AQP8: variants seen among roughly 807,000 people sequenced by gnomAD.
The protein encoded by AQP8 is aquaporin-8.
AQP8 carries 14 observed loss-of-function variants against 26.1 expected under a neutral mutation model. That is an observed-to-expected ratio of 0.54 (90% CI 0.35 to 0.84). The LOEUF is 0.84. Among genes scored for constraint, AQP8 ranks in the 40% least tolerant of loss-of-function variants. AQP8 has a pLI of 0.01. For synonymous variants in AQP8, 131 were observed against 150.7 expected (o/e 0.87, Z 0.96); for missense variants, 301 against 340.5 (o/e 0.88, Z 0.91).
chr16:25,223,793 C>T (rs1370385979), intron 3 of AQP8, among the ~76,000 whole-genome samples: 3 of 151,974 alleles, frequency 2.0e-5, no homozygotes, highest in Non-Finnish European at 2.9e-5. Flanking sequence ...TAACCTGGAG[C>T]CATGACTGGG....
rs201115999 is a variant in AQP8 at position 25,227,098 on chromosome 16, C to T, written c.633C>T (p.Pro211=). 7.5e-5 allele frequency: 121 copies of T among 1,614,132 alleles called. 1 individual carries two copies. Among genetic ancestry groups the T allele is most frequent in the African/African-American group, 5.5e-4 (41 of 75,018 alleles). Residue 211 remains proline, a synonymous_variant, in exon 5 of 6, where the codon CCC becomes CCT. Coordinates refer to ENST00000219660, the MANE Select transcript of AQP8 (RefSeq NM_001169.3). ...CTGTGTCTGGAGGCTGCATGAATCC[C>T]GCCCGTGCTTTTGGACCTGCGGTGG... The part of the protein sequence containing the change: ...GGPVSGGCMN[P]ARAFGPAVVA...
In AQP8 at chr16:25,217,420, G is replaced by T. The variant is rs552099899; in HGVS notation, c.235G>T (p.Val79Leu). 1 of 1,614,156 alleles carries T rather than the reference G, an allele frequency of 6.2e-7. No individual in the cohort carries two copies. The highest frequency in any genetic ancestry group is 2.2e-5 in the East Asian group (1 of 44,874). ...ALAHGLALGLVIATLGNISGG... is the reference protein window; with the variant it reads ...ALAHGLALGLLIATLGNISGG... Reference sequence around the variant, plus strand: ...GGCCCACGGGCTGGCTTTGGGGCTCGTGATTGCCACGCTGGGGAATATCAG... The same window carrying T: ...GGCCCACGGGCTGGCTTTGGGGCTCTTGATTGCCACGCTGGGGAATATCAG... Residue 79 changes from valine (V) to leucine (L), a missense_variant, in exon 2 of 6, where the codon GTG becomes TTG. Val to Leu is a conservative substitution (Grantham distance 32). Transcript: ENST00000219660.
chr16:25,222,745 C>T (rs1034681840), intron 3 of AQP8, among the ~76,000 whole-genome samples: 2 of 151,990 alleles, frequency 1.3e-5, no homozygotes, highest in Non-Finnish European at 2.9e-5. Flanking sequence ...TAAGTGCTGA[C>T]CCACCGCAGA....
chr16:25,226,652 G>A (rs1042236564), intron 4 of AQP8, among the ~76,000 whole-genome samples: 10 of 152,212 alleles, frequency 6.6e-5, no homozygotes, highest in African/African-American at 2.4e-4. Context: ...TATTCTTTGG[G>A]TCACGAACAA....
intron 2 of AQP8, among the ~76,000 whole-genome samples, chr16:25,221,045 C>A (rs996908585): frequency 6.6e-6 from 1 of 152,168 alleles, no homozygotes; most frequent in Admixed American, 6.5e-5. Flanking sequence ...AGCAAGACTC[C>A]GTCTCGTAAA....
chr16:25,227,090 A>C lies in AQP8; in HGVS notation c.625A>C (p.Met209Leu). The change falls in exon 5 of 6, where the codon ATG (methionine) becomes CTG (leucine). Residue 209 changes from methionine to leucine, a missense_variant. Physicochemically the swap from Met to Leu is conservative, Grantham distance 15 (BLOSUM62 2). Coordinates refer to ENST00000219660, the MANE Select transcript of AQP8 (RefSeq NM_001169.3). ...LAGGPVSGGC[M>L]NPARAFGPAV... is the part of the protein sequence containing the mutation. ...CAGGGGCCCTGTGTCTGGAGGCTGC[A>C]TGAATCCCGCCCGTGCTTTTGGACC... 6.2e-7 allele frequency: 1 copy of C among 1,614,136 alleles called. No individual in the cohort carries two copies. Among genetic ancestry groups the C allele is most frequent in the African/African-American group, 1.3e-5 (1 of 75,016 alleles).
intron 3 of AQP8, among the ~76,000 whole-genome samples, chr16:25,221,814 C>G (rs1962566338): frequency 6.6e-6 from 1 of 152,196 alleles, no homozygotes. Context: ...GTCACCCAGG[C>G]TGGAGTGCAG....
intron 2 of AQP8, among the ~76,000 whole-genome samples, chr16:25,219,474 CAATG>C (rs1323860665): frequency 6.6e-6 from 1 of 151,464 alleles, no homozygotes; most frequent in Non-Finnish European, 1.5e-5. Flanking sequence ...GCTGAGTGAA[CAATG>C]AATGAATGAA....
Position 25,228,714 on chromosome 16 carries a change from C to T in AQP8, c.*222C>T, listed in dbSNP as rs1962668925. The T allele has an allele frequency of 9.2e-6, 5 of 541,874 alleles. No individual in the cohort carries two copies. Among genetic ancestry groups the T allele is most frequent in the Middle Eastern group, 1.0e-3 (2 of 1,984 alleles). 33.6% of individuals were successfully genotyped at this position (541,874 alleles called of 1,614,324 possible). On this transcript the variant is annotated 3_prime_UTR_variant, in exon 6 of 6. Coordinates refer to ENST00000219660, the MANE Select transcript of AQP8 (RefSeq NM_001169.3). ...ATCAGAGACCCCAGCCTGGGGAACA[C>T]GCTGCCCGCACTGCCCAGAGAGCAG...
intron 4 of AQP8, 23 bp from the exon 5 acceptor site, chr16:25,227,023 GGTTTGGCTGGGATCCTGGTGAC>G (rs980438548): frequency 6.2e-7 from 1 of 1,612,326 alleles, no homozygotes. Context: ...GGTGAGGTGG[GGTTTGGCTGGGATCCTGGTGAC>G]CTTGGTGCCT....
chr16:25,221,340 G>C (rs554839955), intron 2 of AQP8, 117 bp from the exon 3 acceptor site: 18 of 1,293,288 alleles, frequency 1.4e-5, no homozygotes, highest in Non-Finnish European at 2.0e-5. Flanking sequence ...GCTGGGCCCC[G>C]GACTGACTCT....
chr16:25,226,776 A>C (rs762299703), intron 4 of AQP8, among the ~76,000 whole-genome samples: 5 of 152,190 alleles, frequency 3.3e-5, no homozygotes, highest in Non-Finnish European at 7.3e-5. Flanking sequence ...ACTTTGGAGC[A>C]AATGTAGCTC....
chr16:25,219,353 G>A (rs553848963), intron 2 of AQP8, among the ~76,000 whole-genome samples: 3 of 151,384 alleles, frequency 2.0e-5, no homozygotes, highest in South Asian at 2.1e-4. Context: ...CACCTATTGC[G>A]TGCCAGACAC....
chr16:25,221,318 C>T (rs1295837827), intron 2 of AQP8, 139 bp from the exon 3 acceptor site: 5 of 1,030,092 alleles, frequency 4.9e-6, no homozygotes. Context: ...TTTGGTGCCT[C>T]TTTGTATTTG....
chr16:25,219,133 G>A (rs1962524756), intron 2 of AQP8, among the ~76,000 whole-genome samples: 1 of 151,364 alleles, frequency 6.6e-6, no homozygotes, highest in African/African-American at 2.4e-5. Context: ...ACTATGGGCT[G>A]TACAAATATT....
intron 4 of AQP8, 147 bp downstream of exon 4, chr16:25,224,723 C>CA: frequency 1.3e-6 from 1 of 784,780 alleles, no homozygotes; most frequent in Admixed American, 2.5e-5. Context: ...ATCAGGCAGA[C>CA]AACAGGGAGT....
chr16:25,221,710 T>A, intron 3 of AQP8, 127 bp downstream of exon 3: 2 of 1,094,164 alleles, frequency 1.8e-6, no homozygotes, highest in Non-Finnish European at 2.6e-6. Context: ...TTTCTGCCAG[T>A]GGAATTGGTG....
chr16:25,224,625 C>A, intron 4 of AQP8, 49 bp downstream of exon 4: 1 of 1,566,298 alleles, frequency 6.4e-7, no homozygotes, highest in South Asian at 1.1e-5. Context: ...CTGTGCTGTT[C>A]AGCTCTGGGG....
rs575017028 is a variant in AQP8, at chr16:25,228,360, T to G, written c.738-84T>G. 5.3e-5 allele frequency: 70 copies of G among 1,327,490 alleles called. No homozygotes were observed. The South Asian group carries it at 7.9e-4, about 15-fold the overall frequency. 82.2% of individuals were successfully genotyped at this position (1,327,490 alleles called of 1,614,324 possible). A position where few individuals can be genotyped will look rare whatever the true frequency, so the allele number is the denominator to read the frequency against. On this transcript the variant is annotated intron_variant, in intron 5 of 5. Transcript: ENST00000219660. Reference sequence around the variant, plus strand: ...GGGGAGGCTCAGGAAGTCATCTTTCTGGAGACTTCTGAGCCTGGAGACATG... The same window carrying G: ...GGGGAGGCTCAGGAAGTCATCTTTCGGGAGACTTCTGAGCCTGGAGACATG...
Sources: gnomAD v4.1 joint callset for allele counts (sites outside exome capture counted in the v4.1 genomes callset) on GRCh38, gnomAD v4.1.1 for gene constraint, MANE v1.5 for transcripts, NCBI Gene and HGNC (gene_info 2026-07-23, HGNC 2026-07-21) for gene names.